The following MOB1A variants were observed in gnomAD, a reference collection of about 807,000 sequenced individuals.
MOB1A encodes the protein MOB kinase activator 1A.
Under a neutral mutation model 25.1 loss-of-function variants are expected in MOB1A, and 10 were observed. The observed-to-expected ratio is 0.40, with a 90% CI of 0.25 to 0.68. MOB1A has a LOEUF of 0.68. MOB1A is among the 30% of genes least tolerant of loss of function. The pLI is 0.40. For missense variants in MOB1A, 177 were observed against 256.3 expected (o/e 0.69, Z 2.11); for synonymous variants, 81 against 79.5 (o/e 1.02, Z -0.10).
chr2:74,163,826 T>C (rs1693049059), intron 4 of MOB1A, among the ~76,000 whole-genome samples: 1 of 152,096 alleles, frequency 6.6e-6, no homozygotes, highest in African/African-American at 2.4e-5. Flanking sequence ...AAATGAACAA[T>C]ATCTTGTTCT....
intron 2 of MOB1A, among the ~76,000 whole-genome samples, chr2:74,169,692 G>C (rs1410478934): frequency 6.6e-6 from 1 of 150,430 alleles, no homozygotes; most frequent in Non-Finnish European, 1.5e-5. Flanking sequence ...GCAGTGGTGC[G>C]ATCTTGGCTC....
At chr2:74,170,489 C>T (rs1035498148) in intron 2 of MOB1A, among the ~76,000 whole-genome samples, 1 of 151,638 alleles carries the variant, frequency 6.6e-6, no homozygotes, top group Non-Finnish European at 1.5e-5. Context: ...TTTTCCAGCA[C>T]TTTGGGAGGC....
chr2:74,176,581 G>A (rs1229848326), intron 1 of MOB1A, among the ~76,000 whole-genome samples: 10 of 151,736 alleles, frequency 6.6e-5, no homozygotes, highest in Non-Finnish European at 1.0e-4. Context: ...TGGCTAACAC[G>A]GTGAAACCCC....
At chr2:74,157,213 T>C (rs1409991510) in intron 5 of MOB1A, among the ~76,000 whole-genome samples, 2 of 151,366 alleles carry the variant, frequency 1.3e-5, no homozygotes, top group Admixed American at 6.6e-5. Flanking sequence ...TGGCCAATTA[T>C]TTAATCAATC....
chr2:74,176,275 C>CAAAA lies in MOB1A; in HGVS notation c.14+2382_14+2385dup, dbSNP rs1201428854. On this transcript the variant is annotated intron_variant, in intron 1 of 5. Coordinates refer to ENST00000396049, the MANE Select transcript of MOB1A (RefSeq NM_018221.5). ...TAGGCAACAGAGTGAGACCCTGTCT[C>CAAAA]AAAAAAAAAAAAAAAAAAAAAAAGG... is the stretch of plus-strand genomic sequence containing the variant. 2.5e-3 allele frequency among the ~76,000 whole-genome samples: 75 copies of CAAAA among 29,496 alleles called. 1 individual carries two copies. Among genetic ancestry groups the CAAAA allele is most frequent in the Non-Finnish European group, 2.2e-3 (40 of 18,074 alleles). 19.4% of individuals were successfully genotyped at this position (29,496 alleles called of 152,430 possible).
chr2:74,170,593 G>C (rs1483680714), intron 2 of MOB1A, among the ~76,000 whole-genome samples: 2 of 151,726 alleles, frequency 1.3e-5, no homozygotes, highest in Non-Finnish European at 2.9e-5. Context: ...AAATTAGCCA[G>C]GTGTGGTGGC....
intron 1 of MOB1A, among the ~76,000 whole-genome samples, chr2:74,177,700 G>T (rs1251755531): frequency 6.6e-6 from 1 of 152,030 alleles, no homozygotes; most frequent in African/African-American, 2.4e-5. Flanking sequence ...TTTTTATATT[G>T]TATTTAATAA....
At chr2:74,166,215 A>G (rs185019964) in intron 3 of MOB1A, among the ~76,000 whole-genome samples, 16 of 150,806 alleles carry the variant, frequency 1.1e-4, no homozygotes, top group African/African-American at 4.0e-4. Context: ...ATTTCTTGAA[A>G]TTTATTAAAG....
intron 4 of MOB1A, chr2:74,165,016 T>C: frequency 3.1e-6 from 1 of 318,284 alleles, no homozygotes; most frequent in Non-Finnish European, 5.6e-6. Flanking sequence ...AAGAGCAGAT[T>C]TATCATTCAA....
chr2:74,173,355 C>T (rs1693350807), intron 1 of MOB1A, among the ~76,000 whole-genome samples: 1 of 144,154 alleles, frequency 6.9e-6, no homozygotes, highest in Non-Finnish European at 1.5e-5. Context: ...GAAACTGAAC[C>T]TTCTTTTGGC....
chr2:74,175,380 T>C (rs1274757946), intron 1 of MOB1A, among the ~76,000 whole-genome samples: 2 of 152,098 alleles, frequency 1.3e-5, no homozygotes, highest in African/African-American at 2.4e-5. Context: ...CCAGAAACCA[T>C]CTCCCCAACC....
intron 1 of MOB1A, 60 bp downstream of exon 1, chr2:74,178,601 G>T: frequency 7.7e-7 from 1 of 1,293,810 alleles, no homozygotes; most frequent in Non-Finnish European, 1.0e-6. Flanking sequence ...TCAGGTCCGG[G>T]GAGGCCTCCC....
intron 1 of MOB1A, chr2:74,172,953 T>C (rs1174956965): frequency 8.7e-6 from 5 of 576,352 alleles, no homozygotes; most frequent in South Asian, 1.9e-5. Context: ...CTGACCAACA[T>C]GGTGAAACCA....
At chr2:74,159,893 T>G (rs1692917210) in intron 4 of MOB1A, among the ~76,000 whole-genome samples, 1 of 141,940 alleles carries the variant, frequency 7.0e-6, no homozygotes, top group South Asian at 2.4e-4. Flanking sequence ...CATGGTTCAT[T>G]GTTACCTCCA....
chr2:74,170,890 T>C (rs760297093), intron 2 of MOB1A, among the ~76,000 whole-genome samples: 10 of 148,282 alleles, frequency 6.7e-5, no homozygotes, highest in Non-Finnish European at 1.5e-4. Flanking sequence ...ACCCCATCTC[T>C]GAAGAAAAAA....
chr2:74,156,670 T>C lies in MOB1A; in HGVS notation c.574-25A>G, dbSNP rs761360349. The C allele has an allele frequency of 2.7e-6, 4 of 1,499,622 alleles. No individual in the cohort carries two copies. In the East Asian group the frequency reaches 7.4e-5, roughly 28 times the overall value. 92.9% of individuals were successfully genotyped at this position (1,499,622 alleles called of 1,614,324 possible). On this transcript the variant is annotated intron_variant, in intron 5 of 5. Transcript: ENST00000396049. ...CCTAAAAAGAGAAGAAAAATAACAA[T>C]TAAAAATGGATCTAAAACTGAAACT...
chr2:74,158,915 A>G (rs573455201), intron 5 of MOB1A, among the ~76,000 whole-genome samples, 176 bp downstream of exon 5: 1 of 152,302 alleles, frequency 6.6e-6, no homozygotes, highest in South Asian at 2.1e-4. Flanking sequence ...ATACCTTTTT[A>G]TACTGCTGCA....
At chr2:74,166,962 G>A in intron 3 of MOB1A, 52 bp downstream of exon 3, 1 of 1,239,918 alleles carries the variant, frequency 8.1e-7, no homozygotes, top group Non-Finnish European at 1.2e-6. Flanking sequence ...TCTATCAATT[G>A]GTGATAAAGT....
intron 2 of MOB1A, among the ~76,000 whole-genome samples, chr2:74,168,674 G>A (rs75658810): frequency 2.0e-5 from 3 of 152,114 alleles, no homozygotes; most frequent in Non-Finnish European, 2.9e-5. Flanking sequence ...CCTGTCTAAA[G>A]AAGTACCTAA....
Sources: allele counts gnomAD v4.1 joint callset (sites outside exome capture counted in the v4.1 genomes callset), GRCh38; gene constraint gnomAD v4.1.1; transcripts MANE v1.5; gene names NCBI Gene and HGNC (gene_info 2026-07-23, HGNC 2026-07-21).